Variants in DYM observed in about 807,000 individuals in gnomAD.
The protein encoded by DYM is dymeclin.
In DYM, 78 loss-of-function variants were observed where a neutral mutation model predicts 93.1. The observed-to-expected ratio is 0.84, with a 90% CI of 0.70 to 1.01. The LOEUF (loss-of-function observed/expected upper bound fraction) is 1.01. DYM is among the 50% of genes least tolerant of loss of function. The pLI is 0.00. For missense variants in DYM, 789 were observed against 845.0 expected, an observed-to-expected ratio of 0.93 and a Z score of 0.82; for synonymous variants, 321 against 319.7, an observed-to-expected ratio of 1.00 and a Z score of -0.04.
At chr18:49,300,243 ATAAACT>A (rs934747895) in intron 8 of DYM, among the ~76,000 whole-genome samples, 9 of 151,822 alleles carry the variant, frequency 5.9e-5, no homozygotes, top group African/African-American at 2.2e-4. Flanking sequence ...AACATAAATA[ATAAACT>A]TAACGTTAAC....
rs546278343 is a variant in DYM, at chr18:49,289,341, T to C, written c.764-2725A>G. 3.7e-5 allele frequency among the ~76,000 whole-genome samples: 4 copies of C among 109,026 alleles called. No homozygotes were observed. In the South Asian group the frequency reaches 1.2e-3, roughly 32 times the overall value. 71.5% of individuals were successfully genotyped at this position (109,026 alleles called of 152,430 possible). A position where few individuals can be genotyped will look rare whatever the true frequency, so the allele number is the denominator to read the frequency against. ...AAACACATCACAAAGACAAGTAACA[T>C]ATGAAGAAGCAACATTCGTAACATG... On this transcript the variant is annotated intron_variant, in intron 8 of 17. Coordinates refer to ENST00000675505, the MANE Select transcript of DYM (RefSeq NM_001353214.3).
intron 5 of DYM, 81 bp from the exon 6 acceptor site, chr18:49,363,314 T>C: frequency 1.1e-6 from 1 of 951,662 alleles, no homozygotes; most frequent in Non-Finnish European, 1.7e-6. Flanking sequence ...TTTTCATTCC[T>C]AATGAGAATA....
intron 14 of DYM, among the ~76,000 whole-genome samples, chr18:49,204,310 C>G (rs1211450529): frequency 2.0e-5 from 3 of 152,198 alleles, no homozygotes; most frequent in African/African-American, 4.8e-5. Flanking sequence ...TCAGCTTTCT[C>G]TCATCAAGCA....
intron 1 of DYM, among the ~76,000 whole-genome samples, chr18:49,436,211 T>G (rs1235566208): frequency 6.6e-6 from 1 of 152,144 alleles, no homozygotes; most frequent in African/African-American, 2.4e-5. Context: ...GATGGGCGTC[T>G]TGCTATGTTG....
At chr18:49,266,322 T>C (rs1455992257) in intron 11 of DYM, among the ~76,000 whole-genome samples, 1 of 152,062 alleles carries the variant, frequency 6.6e-6, no homozygotes, top group Non-Finnish European at 1.5e-5. Context: ...AAAAAATATA[T>C]TGCATAATGA....
chr18:49,081,507 AGGGAGACCGAGAGGGAGAGGGGAGAG>A, intron 17 of DYM, among the ~76,000 whole-genome samples: 1 of 126,910 alleles, frequency 7.9e-6, no homozygotes, highest in East Asian at 2.6e-4. Context: ...AGAGAGGGAG[AGGGAGACCGAGAGGGAGAGGGGAGAG>A]GGGAGAGGGG....
intron 6 of DYM, among the ~76,000 whole-genome samples, chr18:49,362,268 T>C (rs1251413411): frequency 3.3e-5 from 5 of 151,728 alleles, no homozygotes; most frequent in Non-Finnish European, 7.4e-5. Context: ...GAGGCTGAGG[T>C]GGGAGGATCA....
rs566771201 is a variant in DYM at position 49,073,920 on chromosome 18, A to G, written c.2025+23482T>C. On this transcript the variant is annotated intron_variant, in intron 17 of 17. Transcript: ENST00000675505. ...AAGTAGAGAAGTCTGTGCATTCACT[A>G]TAGGGAGGCAGTGTTACACTCGCTT... is the stretch of plus-strand genomic sequence containing the variant. Among the ~76,000 whole-genome samples, 10 of 152,302 alleles carry G rather than the reference A, an allele frequency of 6.6e-5. No individual in the cohort carries two copies. In the South Asian group the frequency reaches 1.0e-3, roughly 16 times the overall value.
At chr18:49,309,141 T>C (rs369586519) in intron 8 of DYM, among the ~76,000 whole-genome samples, 8 of 151,214 alleles carry the variant, frequency 5.3e-5, no homozygotes, top group African/African-American at 1.5e-4. Flanking sequence ...AATTTAAATA[T>C]CTATGAAAGT....
At chr18:49,136,343 T>G (rs1369142274) in intron 15 of DYM, among the ~76,000 whole-genome samples, 4 of 152,126 alleles carry the variant, frequency 2.6e-5, no homozygotes, top group African/African-American at 4.8e-5. Context: ...ACATATATGT[T>G]ATATATATAT....
chr18:49,393,004 AAAAG>A (rs1196310122), intron 2 of DYM, among the ~76,000 whole-genome samples: 1 of 136,428 alleles, frequency 7.3e-6, no homozygotes, highest in Non-Finnish European at 1.6e-5. Context: ...CAAAAAAAAA[AAAAG>A]AAGAAGAAGA....
At chr18:49,211,529 T>C (rs983510972) in intron 13 of DYM, among the ~76,000 whole-genome samples, 1 of 152,224 alleles carries the variant, frequency 6.6e-6, no homozygotes, top group African/African-American at 2.4e-5. Flanking sequence ...TTTTAAAGTA[T>C]GTTGAACTCA....
chr18:49,457,338 T>C (rs1410103433), intron 1 of DYM, among the ~76,000 whole-genome samples: 2 of 152,204 alleles, frequency 1.3e-5, no homozygotes, highest in Admixed American at 6.5e-5. Context: ...GTTAGCCCTC[T>C]GATTACACAT....
intron 13 of DYM, among the ~76,000 whole-genome samples, chr18:49,211,562 G>A (rs932178483): frequency 6.6e-6 from 1 of 152,136 alleles, no homozygotes; most frequent in East Asian, 1.9e-4. Context: ...TAGAAGATTT[G>A]AAATGGGCAA....
chr18:49,292,864 T>C (rs1389142659), intron 8 of DYM, among the ~76,000 whole-genome samples: 1 of 152,310 alleles, frequency 6.6e-6, no homozygotes, highest in Middle Eastern at 3.4e-3. Context: ...ATGGGATACA[T>C]GTACAGAAGG....
chr18:49,103,916 A>C (rs924684232), intron 16 of DYM, among the ~76,000 whole-genome samples: 14 of 150,808 alleles, frequency 9.3e-5, no homozygotes, highest in African/African-American at 3.2e-4. Flanking sequence ...GTTCCATATG[A>C]ACTTCAAAGT....
intron 17 of DYM, among the ~76,000 whole-genome samples, chr18:49,068,486 C>G (rs1464616703): frequency 2.0e-5 from 3 of 152,102 alleles, no homozygotes; most frequent in Non-Finnish European, 2.9e-5. Context: ...AGAAGGGGCA[C>G]AGTTTGATGC....
chr18:49,119,129 C>T lies in DYM; in HGVS notation c.1729-203G>A, dbSNP rs141887676. On this transcript the variant is annotated intron_variant, in intron 15 of 17. Transcript: ENST00000675505. The stretch of plus-strand genomic sequence containing the variant: ...AGGATTTGGGTTAAAATCTTTTGAA[C>T]TTAGTATGGTAATAATTAGGAATTT... Among the ~76,000 whole-genome samples the T allele has an allele frequency of 7.2e-5, 11 of 152,280 alleles. No homozygotes were observed. In the East Asian group the frequency reaches 1.7e-3, roughly 24 times the overall value.
At chr18:49,454,220 A>G (rs1028628406) in intron 1 of DYM, among the ~76,000 whole-genome samples, 9 of 152,200 alleles carry the variant, frequency 5.9e-5, no homozygotes, top group African/African-American at 1.4e-4. Flanking sequence ...ACTCCAGAGC[A>G]GGGAATGATG....
Sources: gnomAD v4.1 joint callset for allele counts (sites outside exome capture counted in the v4.1 genomes callset) on GRCh38, gnomAD v4.1.1 for gene constraint, MANE v1.5 for transcripts, NCBI Gene and HGNC (gene_info 2026-07-23, HGNC 2026-07-21) for gene names.